Variants in SLC39A14 observed in about 807,000 individuals in gnomAD.
SLC39A14 encodes the protein solute carrier family 39 member 14.
Under a neutral mutation model 45.5 loss-of-function variants are expected in SLC39A14, and 19 were observed. That is an observed-to-expected ratio of 0.42 (90% CI 0.29 to 0.61). The LOEUF is 0.61. SLC39A14 is among the 20% of genes least tolerant of loss of function. SLC39A14 has a pLI of 0.22. For synonymous variants in SLC39A14, 264 were observed against 251.3 expected (o/e 1.05, Z -0.48); for missense variants, 447 against 616.5 (o/e 0.73, Z 2.91).
chr8:22,412,356 C>T (rs930934499), intron 4 of SLC39A14, 150 bp downstream of exon 4: 10 of 819,636 alleles, frequency 1.2e-5, no homozygotes, highest in African/African-American at 1.0e-4. Context: ...GGAGAGGCAG[C>T]CCAGCATAGG....
chr8:22,420,380 TG>T lies in SLC39A14; in HGVS notation c.*684del. 1 of 985,468 alleles carries T rather than the reference TG, an allele frequency of 1.0e-6. No homozygotes were observed. Among genetic ancestry groups the T allele is most frequent in the South Asian group, 4.7e-5 (1 of 21,286 alleles). The allele number at this position is 985,468 out of a possible 1,614,324, so 61.0% of individuals were successfully genotyped here. A position where few individuals can be genotyped will look rare whatever the true frequency, so the allele number is the denominator to read the frequency against. On this transcript the variant is annotated 3_prime_UTR_variant, in exon 9 of 9. Transcript: ENST00000381237. Reference sequence around the variant, plus strand: ...TGGATATTGATTTTGTAACAGCACCTGGTGTTTCACGGCTGTCCGAGTGAGC... The same window carrying T: ...TGGATATTGATTTTGTAACAGCACCTGTGTTTCACGGCTGTCCGAGTGAGC...
intron 1 of SLC39A14, among the ~76,000 whole-genome samples, chr8:22,395,849 T>A (rs1834352692): frequency 6.6e-6 from 1 of 152,136 alleles, no homozygotes; most frequent in African/African-American, 2.4e-5. Context: ...TCTGCTCACA[T>A]GTTCTGTTGG....
At chr8:22,431,807 C>A (rs1392726929) in intron 8 of SLC39A14, among the ~76,000 whole-genome samples, 1 of 152,170 alleles carries the variant, frequency 6.6e-6, no homozygotes, top group East Asian at 1.9e-4. Context: ...TGAAATTGGG[C>A]TCTCCAATGA....
intron 1 of SLC39A14, among the ~76,000 whole-genome samples, chr8:22,384,518 T>A (rs1156689666): frequency 7.0e-6 from 1 of 143,316 alleles, no homozygotes; most frequent in African/African-American, 2.6e-5. Flanking sequence ...GAGGCCAAGG[T>A]CGACAGATCA....
chr8:22,403,319 G>A (rs193252203), intron 1 of SLC39A14, among the ~76,000 whole-genome samples: 79 of 148,526 alleles, frequency 5.3e-4, no homozygotes, highest in African/African-American at 1.9e-3. Flanking sequence ...TTGCTGTGTC[G>A]CCCAGGCTGG....
intron 1 of SLC39A14, among the ~76,000 whole-genome samples, chr8:22,391,494 G>C (rs921769164): frequency 6.6e-6 from 1 of 152,124 alleles, no homozygotes; most frequent in African/African-American, 2.4e-5. Flanking sequence ...CCTGACTTCA[G>C]ATGATCTGGG....
At position 22,422,705 on chromosome 8, in the gene SLC39A14, C is replaced by T; in HGVS notation, c.*3007C>T. 1.0e-6 allele frequency: 1 copy of T among 985,184 alleles called. No homozygotes were observed. Among genetic ancestry groups the T allele is most frequent in the Non-Finnish European group, 1.2e-6 (1 of 829,710 alleles). 61.0% of individuals were successfully genotyped at this position (985,184 alleles called of 1,614,324 possible). ...TGAGAATCCCACGGGTGATCATTTG[C>T]AATAAATGTGGATGTAATGAAGGCT... is the stretch of plus-strand genomic sequence containing the variant. On this transcript the variant is annotated 3_prime_UTR_variant, in exon 9 of 9. Coordinates refer to ENST00000381237, the MANE Select transcript of SLC39A14 (RefSeq NM_001128431.4).
intron 1 of SLC39A14, among the ~76,000 whole-genome samples, chr8:22,373,711 G>A (rs76058418): frequency 0.031 from 4,770 of 151,700 alleles, 235 homozygotes; most frequent in African/African-American, 0.11. Flanking sequence ...TTTCTCAGAA[G>A]TCAGACATTT....
downstream of SLC39A14, among the ~76,000 whole-genome samples, chr8:22,423,071 G>A (rs375659118): frequency 3.3e-5 from 5 of 152,034 alleles, no homozygotes; most frequent in African/African-American, 7.2e-5. Context: ...TGATCTGCCC[G>A]CCTTGGCCTC....
At chr8:22,429,488 A>C (rs1254035062) in intron 8 of SLC39A14, among the ~76,000 whole-genome samples, 1 of 152,242 alleles carries the variant, frequency 6.6e-6, no homozygotes, top group Non-Finnish European at 1.5e-5. Context: ...TTAGAAATTA[A>C]AGCTCTGTAC....
chr8:22,376,016 G>A (rs1833196241), intron 1 of SLC39A14, among the ~76,000 whole-genome samples: 1 of 152,128 alleles, frequency 6.6e-6, no homozygotes, highest in Non-Finnish European at 1.5e-5. Context: ...ATGTCCATTT[G>A]CTGTTTCCAG....
intron 1 of SLC39A14, 96 bp from the exon 2 acceptor site, chr8:22,404,600 A>T: frequency 8.8e-7 from 1 of 1,140,566 alleles, no homozygotes; most frequent in Non-Finnish European, 1.3e-6. Flanking sequence ...AGACTGAGGG[A>T]TAGTCTCAAC....
chr8:22,417,271 C>T (rs1325582069), intron 7 of SLC39A14, among the ~76,000 whole-genome samples: 2 of 152,142 alleles, frequency 1.3e-5, no homozygotes, highest in African/African-American at 4.8e-5. Context: ...ATGAGGAGGC[C>T]AGTGCCAGCT....
chr8:22,377,446 T>C (rs957491095), intron 1 of SLC39A14, among the ~76,000 whole-genome samples: 1 of 152,226 alleles, frequency 6.6e-6, no homozygotes, highest in Non-Finnish European at 1.5e-5. Flanking sequence ...GTATGTTCAT[T>C]GCTACAGCAG....
At position 22,415,990 on chromosome 8, in the gene SLC39A14, C is replaced by CT. The variant is rs763841101; in HGVS notation, c.939+34dup. The CT allele has an allele frequency of 5.0e-6, 8 of 1,603,514 alleles. No individual in the cohort carries two copies. In the South Asian group the frequency reaches 8.8e-5, roughly 18 times the overall value. ...GGCCACCAGCTGCTTGGTGGAGCCT[C>CT]TAAGAGGTTGACTCAGGCTTACCTT... is the stretch of plus-strand genomic sequence containing the variant. On this transcript the variant is annotated intron_variant, in intron 6 of 8. Coordinates refer to ENST00000381237, the MANE Select transcript of SLC39A14 (RefSeq NM_001128431.4).
intron 8 of SLC39A14, among the ~76,000 whole-genome samples, chr8:22,429,023 A>G (rs760687367): frequency 2.6e-5 from 4 of 152,110 alleles, no homozygotes; most frequent in Non-Finnish European, 4.4e-5. Context: ...CTGTAATCCT[A>G]GCACTTTGGG....
chr8:22,431,933 TA>T (rs1486823675), intron 8 of SLC39A14, among the ~76,000 whole-genome samples: 2 of 152,244 alleles, frequency 1.3e-5, no homozygotes, highest in Non-Finnish European at 2.9e-5. Context: ...TTCTTCTTTT[TA>T]AATTTTCATG....
chr8:22,390,473 T>C (rs1346417145), intron 1 of SLC39A14: 1 of 151,926 alleles, frequency 6.6e-6, no homozygotes, highest in Non-Finnish European at 1.5e-5. Context: ...GCCCGGCTAA[T>C]TTTTGTACTT....
At chr8:22,408,737 C>T (rs962866092) in intron 3 of SLC39A14, among the ~76,000 whole-genome samples, 5 of 151,978 alleles carry the variant, frequency 3.3e-5, no homozygotes, top group Non-Finnish European at 7.4e-5. Flanking sequence ...CGTTGGACTT[C>T]TTGAGCGGCC....
Sources: allele counts gnomAD v4.1 joint callset (sites outside exome capture counted in the v4.1 genomes callset), GRCh38; gene constraint gnomAD v4.1.1; transcripts MANE v1.5; gene names NCBI Gene and HGNC (gene_info 2026-07-23, HGNC 2026-07-21).